MBD5: variants seen among roughly 807,000 people sequenced by gnomAD.
MBD5 encodes the protein methyl-CpG-binding domain protein 5.
A neutral mutation model predicts 117.3 loss-of-function variants in MBD5; 13 were observed. That is an observed-to-expected ratio of 0.11 (90% confidence interval 0.07 to 0.18). The LOEUF (loss-of-function observed/expected upper bound fraction) is 0.18. Ranked by LOEUF, MBD5 falls within the 10% of genes least tolerant of loss-of-function variation. MBD5 has a pLI of 1.00. For missense variants in MBD5, 1,879 were observed against 2,093.8 expected (o/e 0.90, Z 2.00); for synonymous variants, 727 against 766.4 (o/e 0.95, Z 0.85).
intron 1 of MBD5, among the ~76,000 whole-genome samples, chr2:148,149,145 T>A (rs1303994815): frequency 6.8e-6 from 1 of 146,210 alleles, no homozygotes; most frequent in Non-Finnish European, 1.5e-5. Flanking sequence ...TGTGTCCATG[T>A]GATCTCATTG....
chr2:148,447,524 T>C (rs1706598927), intron 4 of MBD5: 1 of 152,172 alleles, frequency 6.6e-6, no homozygotes, highest in Non-Finnish European at 1.5e-5. Flanking sequence ...TCAAGGGCTA[T>C]AGTGAAACCT....
chr2:148,175,939 A>G (rs972196471), intron 1 of MBD5, among the ~76,000 whole-genome samples: 1 of 152,228 alleles, frequency 6.6e-6, no homozygotes, highest in African/African-American at 2.4e-5. Flanking sequence ...AGTAATTTAC[A>G]TGACAAATGT....
At chr2:148,294,427 T>C (rs1415967515) in intron 3 of MBD5, among the ~76,000 whole-genome samples, 1 of 150,964 alleles carries the variant, frequency 6.6e-6, no homozygotes, top group Non-Finnish European at 1.5e-5. Flanking sequence ...GGTTTCACTG[T>C]GTTAGCCAGG....
intron 3 of MBD5, among the ~76,000 whole-genome samples, chr2:148,257,423 G>T (rs887534373): frequency 6.6e-6 from 1 of 152,216 alleles, no homozygotes; most frequent in Non-Finnish European, 1.5e-5. Flanking sequence ...ATTTGCAGCT[G>T]CTTCGTTGTG....
intron 4 of MBD5, among the ~76,000 whole-genome samples, chr2:148,394,001 A>T (rs1310337703): frequency 6.6e-6 from 1 of 152,190 alleles, no homozygotes; most frequent in Non-Finnish European, 1.5e-5. Context: ...ATGTTACCTT[A>T]TTGCTGTCTA....
At chr2:148,447,178 G>GAAAGAAAGAAA (rs1706570293) in intron 4 of MBD5, among the ~76,000 whole-genome samples, 7 of 137,756 alleles carry the variant, frequency 5.1e-5, no homozygotes, top group African/African-American at 2.0e-4. Flanking sequence ...AAAGGAAGAA[G>GAAAGAAAGAAA]GAAAGAAAGA....
At chr2:148,472,296 G>A (rs1368493170) in intron 8 of MBD5, 1 of 152,056 alleles carries the variant, frequency 6.6e-6, no homozygotes. Flanking sequence ...TCAGAAAAGT[G>A]TGAGCATATA....
intron 2 of MBD5, among the ~76,000 whole-genome samples, chr2:148,180,343 C>CATATATATATATATATCTAT (rs1698497802): frequency 9.5e-6 from 1 of 105,544 alleles, no homozygotes; most frequent in African/African-American, 3.6e-5. Context: ...AAAAATTATA[C>CATATATATATATATATCTAT]ATATATATAT....
At chr2:148,407,339 AGTGTGTGTGTGTGTGTGTGTGTGT>A (rs34324249) in intron 4 of MBD5, among the ~76,000 whole-genome samples, 1 of 140,106 alleles carries the variant, frequency 7.1e-6, no homozygotes, top group African/African-American at 2.6e-5. Context: ...TGGCTTTCTG[AGTGTGTGTGTGTGTGTGTGTGTGT>A]GTGTGTTTGT....
chr2:148,107,600 A>T (rs566320973), intron 1 of MBD5, among the ~76,000 whole-genome samples: 1 of 151,832 alleles, frequency 6.6e-6, no homozygotes, highest in African/African-American at 2.4e-5. Flanking sequence ...TTTCAGCTAT[A>T]TTGAAGTTGC....
chr2:148,329,766 C>T (rs1277925621), intron 3 of MBD5, among the ~76,000 whole-genome samples: 3 of 152,014 alleles, frequency 2.0e-5, no homozygotes, highest in African/African-American at 4.8e-5. Flanking sequence ...TATGTATTCA[C>T]AAATAATATC....
intron 6 of MBD5, 57 bp downstream of exon 6, chr2:148,462,741 T>C: frequency 1.7e-6 from 2 of 1,157,216 alleles, no homozygotes. Context: ...ATTTTGTATA[T>C]TTGTTTTTCT....
intron 3 of MBD5, among the ~76,000 whole-genome samples, chr2:148,290,712 AAAT>A (rs1701481284): frequency 6.6e-6 from 1 of 152,216 alleles, no homozygotes; most frequent in Non-Finnish European, 1.5e-5. Flanking sequence ...TTCTATTACC[AAAT>A]AATATTTCAG....
chr2:148,132,266 A>G (rs1697066862), intron 1 of MBD5, among the ~76,000 whole-genome samples: 1 of 150,696 alleles, frequency 6.6e-6, no homozygotes. Context: ...GCTCCTTCAC[A>G]TTTTTATTTT....
intron 1 of MBD5, among the ~76,000 whole-genome samples, chr2:148,081,400 A>G (rs1477397801): frequency 3.3e-5 from 5 of 152,244 alleles, no homozygotes; most frequent in Non-Finnish European, 5.9e-5. Flanking sequence ...CTAATTGTAT[A>G]TGCACAGATA....
At chr2:148,492,883 G>A (rs1681573297) in intron 11 of MBD5, among the ~76,000 whole-genome samples, 2 of 152,078 alleles carry the variant, frequency 1.3e-5, no homozygotes, top group African/African-American at 4.8e-5. Flanking sequence ...ATTTCAGAGA[G>A]ATATCTAGTA....
At chr2:148,201,398 A>G (rs1308609379) in intron 2 of MBD5, among the ~76,000 whole-genome samples, 1 of 152,154 alleles carries the variant, frequency 6.6e-6, no homozygotes, top group African/African-American at 2.4e-5. Context: ...GAAGCCCCAG[A>G]GGGGGATGTT....
intron 1 of MBD5, among the ~76,000 whole-genome samples, chr2:148,034,595 GTC>G (rs1694135762): frequency 6.6e-6 from 1 of 152,128 alleles, no homozygotes; most frequent in African/African-American, 2.4e-5. Context: ...TGTGCTAAAA[GTC>G]TTGTAGACAT....
chr2:148,505,497 A>G (rs1336707790), intron 12 of MBD5, among the ~76,000 whole-genome samples: 1 of 152,202 alleles, frequency 6.6e-6, no homozygotes, highest in Non-Finnish European at 1.5e-5. Flanking sequence ...AAGACTGATA[A>G]AATGATCAAC....
Sources: gnomAD v4.1 joint callset for allele counts (sites outside exome capture counted in the v4.1 genomes callset) on GRCh38, gnomAD v4.1.1 for gene constraint, MANE v1.5 for transcripts, NCBI Gene and HGNC (gene_info 2026-07-23, HGNC 2026-07-21) for gene names.